The following BABAM2 variants were observed in gnomAD, a reference collection of about 807,000 sequenced individuals.
BABAM2 encodes BRISC and BRCA1 A complex member 2, also known as BRISC and BRCA1-A complex member 2.
A neutral mutation model predicts 54.7 loss-of-function variants in BABAM2; 31 were observed. The observed-to-expected ratio is 0.57, with a 90% CI of 0.43 to 0.77. The LOEUF is 0.77. Among genes scored for constraint, BABAM2 ranks in the 30% least tolerant of loss-of-function variants. The pLI, the probability that BABAM2 is intolerant of heterozygous loss-of-function variation, is 0.00. For missense variants in BABAM2, 364 were observed against 455.8 expected, an observed-to-expected ratio of 0.80 and a Z score of 1.83; for synonymous variants, 167 against 162.9, an observed-to-expected ratio of 1.03 and a Z score of -0.19.
chr2:28,152,479 G>A (rs1424103943), intron 7 of BABAM2, among the ~76,000 whole-genome samples: 1 of 152,198 alleles, frequency 6.6e-6, no homozygotes, highest in African/African-American at 2.4e-5. Flanking sequence ...GGCGCAGGGA[G>A]GGGAAATTGC....
chr2:27,938,611 C>G (rs1285184545), intron 3 of BABAM2, among the ~76,000 whole-genome samples: 1 of 151,840 alleles, frequency 6.6e-6, no homozygotes, highest in East Asian at 1.9e-4. Context: ...AGGCTGGTCT[C>G]GAACTCCTGA....
At chr2:28,140,531 A>G (rs1670950762) in intron 7 of BABAM2, among the ~76,000 whole-genome samples, 1 of 152,222 alleles carries the variant, frequency 6.6e-6, no homozygotes, top group Non-Finnish European at 1.5e-5. Flanking sequence ...AAATTTTACT[A>G]TGGGTAAAAA....
Position 27,908,470 on chromosome 2 carries a change from G to T in BABAM2, c.128+13786G>T, listed in dbSNP as rs547501265. ...GTATTTTTTTTCGAAATGGGGTTGC[G>T]CCATGTTGCCCAGGCTGGTCTCGAA... On this transcript the variant is annotated intron_variant, in intron 2 of 11. Transcript: ENST00000379624. 1.8e-3 allele frequency among the ~76,000 whole-genome samples: 276 copies of T among 151,970 alleles called. 3 individuals are homozygous for T. Among genetic ancestry groups the T allele is most frequent in the Non-Finnish European group, 3.1e-3 (210 of 67,950 alleles).
intron 10 of BABAM2, among the ~76,000 whole-genome samples, chr2:28,255,954 C>A (rs1208660643): frequency 6.6e-6 from 1 of 152,170 alleles, no homozygotes; most frequent in Non-Finnish European, 1.5e-5. Context: ...GTGTGTGCCA[C>A]CACGCCTGGC....
At chr2:28,178,290 A>G (rs1425140770) in intron 7 of BABAM2, among the ~76,000 whole-genome samples, 1 of 152,218 alleles carries the variant, frequency 6.6e-6, no homozygotes, top group African/African-American at 2.4e-5. Context: ...AATTGAAATT[A>G]TACCAAGTAT....
intron 6 of BABAM2, among the ~76,000 whole-genome samples, chr2:28,092,180 C>G (rs1332571176): frequency 6.6e-6 from 1 of 152,044 alleles, no homozygotes; most frequent in Non-Finnish European, 1.5e-5. Flanking sequence ...CAAGGATGTA[C>G]ACTCTTATGA....
At chr2:28,324,675 G>T (rs1474913387) in intron 11 of BABAM2, among the ~76,000 whole-genome samples, 2 of 151,340 alleles carry the variant, frequency 1.3e-5, no homozygotes, top group East Asian at 3.9e-4. Flanking sequence ...CACTCCTGTA[G>T]TCCTAGCTAC....
intron 10 of BABAM2, among the ~76,000 whole-genome samples, chr2:28,252,251 T>C (rs1477785007): frequency 1.3e-5 from 2 of 150,214 alleles, no homozygotes; most frequent in East Asian, 1.9e-4. Context: ...CAACAAAATA[T>C]CAAACCAGTC....
intron 7 of BABAM2, among the ~76,000 whole-genome samples, chr2:28,131,061 A>T (rs201231890): frequency 8.5e-4 from 6 of 7,052 alleles, no homozygotes; most frequent in Admixed American, 1.3e-3. Flanking sequence ...TTTTATTATT[A>T]TTATTATTAT....
chr2:28,284,438 A>G (rs1315291330), intron 10 of BABAM2, among the ~76,000 whole-genome samples: 1 of 152,124 alleles, frequency 6.6e-6, no homozygotes, highest in Non-Finnish European at 1.5e-5. Context: ...TAGCAAAAAA[A>G]GAAAGAGCCT....
Position 28,300,641 on chromosome 2 carries a change from A to ATG in BABAM2, c.1088+2164_1088+2165dup, listed in dbSNP as rs199872827. Among the ~76,000 whole-genome samples the ATG allele has an allele frequency of 6.9e-4, 104 of 151,502 alleles. 3 individuals are homozygous for ATG. The East Asian group carries it at 0.017, about 25-fold the overall frequency. On this transcript the variant is annotated intron_variant, in intron 11 of 11. Transcript: ENST00000379624. ...CCATGGCAAAGCTATCTTGGTGTGT[A>ATG]TGTGTGTGTGTGTGTTTCCTAAGTA...
intron 10 of BABAM2, among the ~76,000 whole-genome samples, chr2:28,265,172 C>G (rs1323874671): frequency 1.3e-5 from 2 of 152,282 alleles, no homozygotes; most frequent in African/African-American, 4.8e-5. Context: ...CGCGGTGGCT[C>G]ATGTCTGTAA....
chr2:27,924,303 C>T (rs1306756122), intron 2 of BABAM2, among the ~76,000 whole-genome samples: 1 of 152,134 alleles, frequency 6.6e-6, no homozygotes, highest in Non-Finnish European at 1.5e-5. Context: ...AGCTGCAGGC[C>T]TTCTGTTTTG....
intron 6 of BABAM2, among the ~76,000 whole-genome samples, chr2:28,050,882 A>T (rs1677946678): frequency 6.6e-6 from 1 of 152,174 alleles, no homozygotes; most frequent in Non-Finnish European, 1.5e-5. Flanking sequence ...GACTGTGTGG[A>T]CATACTTGAT....
chr2:28,237,887 C>G (rs1682059137), intron 8 of BABAM2, among the ~76,000 whole-genome samples: 1 of 152,078 alleles, frequency 6.6e-6, no homozygotes, highest in African/African-American at 2.4e-5. Flanking sequence ...GAGTCTCACT[C>G]TGTCGCCTGG....
At chr2:27,939,486 CGTTG>C (rs765812672) in intron 3 of BABAM2, among the ~76,000 whole-genome samples, 11 of 152,248 alleles carry the variant, frequency 7.2e-5, no homozygotes, top group South Asian at 4.1e-4. Context: ...TTCAGATTTT[CGTTG>C]GTTGAAGTAT....
intron 6 of BABAM2, among the ~76,000 whole-genome samples, chr2:28,077,323 A>G (rs1026425654): frequency 1.2e-4 from 18 of 152,166 alleles, no homozygotes; most frequent in African/African-American, 4.3e-4. Flanking sequence ...TCGTTCCTAT[A>G]TGCTTTATGA....
intron 11 of BABAM2, among the ~76,000 whole-genome samples, chr2:28,321,955 A>C (rs553415189): frequency 6.6e-6 from 1 of 152,094 alleles, no homozygotes; most frequent in South Asian, 2.1e-4. Flanking sequence ...AAAAAAAAAA[A>C]ACTAGATCGA....
intron 3 of BABAM2, among the ~76,000 whole-genome samples, chr2:27,945,575 T>A (rs1016922627): frequency 6.6e-6 from 1 of 152,208 alleles, no homozygotes; most frequent in African/African-American, 2.4e-5. Flanking sequence ...CTTGTAATTG[T>A]TTACAGAAAT....
Sources: gnomAD v4.1 joint callset for allele counts (sites outside exome capture counted in the v4.1 genomes callset) on GRCh38, gnomAD v4.1.1 for gene constraint, MANE v1.5 for transcripts, NCBI Gene and HGNC (gene_info 2026-07-23, HGNC 2026-07-21) for gene names.